CNBD1: variants seen among roughly 807,000 people sequenced by gnomAD.
CNBD1 encodes cyclic nucleotide binding domain containing 1.
Under a neutral mutation model 54.4 loss-of-function variants are expected in CNBD1, and 71 were observed. The observed-to-expected ratio is 1.30, with a 90% CI of 1.08 to 1.59. The LOEUF (loss-of-function observed/expected upper bound fraction) is 1.59. Ranked by LOEUF, CNBD1 falls within the 40% of genes most tolerant of loss-of-function variation. The probability of loss-of-function intolerance (pLI) is 0.00; values close to 1 mark genes in which losing one functional copy is unlikely to be tolerated. For synonymous variants in CNBD1, 182 were observed against 170.7 expected, an observed-to-expected ratio of 1.07 and a Z score of -0.51; for missense variants, 659 against 518.0, an observed-to-expected ratio of 1.27 and a Z score of -2.64.
At chr8:87,179,716 G>T (rs1213020637) in intron 4 of CNBD1, among the ~76,000 whole-genome samples, 2 of 152,108 alleles carry the variant, frequency 1.3e-5, no homozygotes, top group Non-Finnish European at 2.9e-5. Context: ...TACACTGAAG[G>T]TGCAATATAG....
chr8:87,220,059 AT>A (rs932621989), intron 5 of CNBD1, among the ~76,000 whole-genome samples: 1 of 151,994 alleles, frequency 6.6e-6, no homozygotes, highest in Non-Finnish European at 1.5e-5. Flanking sequence ...TGTTTTAGTG[AT>A]TTTTTAAAGG....
intron 4 of CNBD1, among the ~76,000 whole-genome samples, chr8:86,994,707 G>A (rs534661915): frequency 3.3e-5 from 5 of 151,926 alleles, no homozygotes; most frequent in Admixed American, 6.6e-5. Flanking sequence ...AGGGTCCCCA[G>A]CTTCCTTTCT....
chr8:87,418,796 G>A (rs1389470568), intron 2 of CNBD1, among the ~76,000 whole-genome samples: 1 of 151,760 alleles, frequency 6.6e-6, no homozygotes, highest in Non-Finnish European at 1.5e-5. Context: ...ATAAAATATA[G>A]ACAGTAATAA....
chr8:87,389,129 C>A (rs899884823), intron 2 of CNBD1, among the ~76,000 whole-genome samples: 2 of 152,074 alleles, frequency 1.3e-5, no homozygotes, highest in African/African-American at 4.8e-5. Context: ...TTATGACAAA[C>A]CCACAGCCAA....
In CNBD1 at chr8:87,039,459, T is replaced by C. The variant is rs149588017; in HGVS notation, c.431+99705T>C. Among the ~76,000 whole-genome samples the C allele has an allele frequency of 3.3e-3, 496 of 152,292 alleles. 5 individuals are homozygous for C. The highest frequency in any genetic ancestry group is 0.011 in the African/African-American group (466 of 41,580). On this transcript the variant is annotated intron_variant, in intron 4 of 10. Transcript: ENST00000518476. ...TGATATATTATTTCCCCATGGTTTT[T>C]TGGGGGGGTTGGATTTACTAGAGGT...
Position 87,343,097 on chromosome 8 carries a change from C to T in CNBD1, c.1043-8588C>T, listed in dbSNP as rs182983287. ...ATTCCTTGCTGCAAAAAGAATTCAG[C>T]GATATTTCTCCTACTTGCTTTCTGC... On this transcript the variant is annotated intron_variant, in intron 8 of 10. Transcript: ENST00000518476. 4.0e-3 allele frequency among the ~76,000 whole-genome samples: 605 copies of T among 152,258 alleles called. 8 individuals carry two copies. The highest frequency in any genetic ancestry group is 0.013 in the African/African-American group (558 of 41,554).
chr8:86,875,000 ATATATATATATATATATATATG>A (rs1208852409), intron 1 of CNBD1, among the ~76,000 whole-genome samples: 2 of 134,576 alleles, frequency 1.5e-5, no homozygotes, highest in Non-Finnish European at 3.1e-5. Flanking sequence ...ATATATATAT[ATATATATATATATATATATATG>A]TATTAAAAAT....
intron 4 of CNBD1, among the ~76,000 whole-genome samples, chr8:86,973,046 T>G (rs1051556040): frequency 6.6e-5 from 10 of 152,346 alleles, no homozygotes; most frequent in Middle Eastern, 3.4e-3. Context: ...GAGGGTGTAA[T>G]CATCTTGTTT....
At chr8:87,216,556 T>C (rs1013533156) in intron 5 of CNBD1, among the ~76,000 whole-genome samples, 4 of 152,188 alleles carry the variant, frequency 2.6e-5, no homozygotes, top group African/African-American at 9.6e-5. Flanking sequence ...CAGTATTTTA[T>C]GATGTGTACA....
In CNBD1 at chr8:87,325,222, A is replaced by T. The variant is rs1809641341; in HGVS notation, c.1043-26463A>T. Among the ~76,000 whole-genome samples, 3 of 94,968 alleles carry T rather than the reference A, an allele frequency of 3.2e-5. 1 individual carries two copies. Among genetic ancestry groups the T allele is most frequent in the Admixed American group, 2.7e-4 (3 of 11,020 alleles). The allele number at this position is 94,968 out of a possible 152,430, so 62.3% of individuals were successfully genotyped here. A position where few individuals can be genotyped will look rare whatever the true frequency, so the allele number is the denominator to read the frequency against. On this transcript the variant is annotated intron_variant, in intron 8 of 10. Coordinates refer to ENST00000518476, the MANE Select transcript of CNBD1 (RefSeq NM_173538.3). ...TTTGCTGAGGAGAGCTTTACTTCCA[A>T]GTATGTGGTCAATTTTGGAATAGGT... is the stretch of plus-strand genomic sequence containing the variant.
At chr8:87,342,580 T>C (rs559174292) in intron 8 of CNBD1, among the ~76,000 whole-genome samples, 1 of 152,264 alleles carries the variant, frequency 6.6e-6, no homozygotes, top group East Asian at 1.9e-4. Context: ...CTGTTTTCCC[T>C]AAGTGTCAGC....
At chr8:87,405,908 A>G (rs1036504210) in intron 2 of CNBD1, among the ~76,000 whole-genome samples, 3 of 152,144 alleles carry the variant, frequency 2.0e-5, no homozygotes, top group Non-Finnish European at 2.9e-5. Context: ...AGCTCTGCCA[A>G]ACACTAAGCA....
chr8:87,136,491 T>A (rs988753972), intron 4 of CNBD1, among the ~76,000 whole-genome samples: 2 of 135,466 alleles, frequency 1.5e-5, no homozygotes, highest in African/African-American at 5.5e-5. Context: ...TGCTTATTTA[T>A]TGATTTTTTT....
chr8:86,898,152 GACC>G (rs1808876182), intron 2 of CNBD1, among the ~76,000 whole-genome samples: 1 of 151,998 alleles, frequency 6.6e-6, no homozygotes, highest in Non-Finnish European at 1.5e-5. Context: ...TGTATACAAA[GACC>G]ACACACGTAA....
intron 6 of CNBD1, among the ~76,000 whole-genome samples, chr8:87,263,394 C>T (rs1808180644): frequency 1.3e-5 from 2 of 151,976 alleles, no homozygotes; most frequent in Non-Finnish European, 2.9e-5. Context: ...AATTGGGCAA[C>T]ATGTATAGCT....
At chr8:87,356,765 G>A (rs1031704707) in intron 10 of CNBD1, among the ~76,000 whole-genome samples, 1 of 152,200 alleles carries the variant, frequency 6.6e-6, no homozygotes, top group Non-Finnish European at 1.5e-5. Context: ...TTGCTAGAGG[G>A]ATTAGCTTGA....
chr8:87,386,086 G>C (rs1426486279), downstream of CNBD1, among the ~76,000 whole-genome samples: 3 of 152,072 alleles, frequency 2.0e-5, no homozygotes, highest in African/African-American at 7.2e-5. Flanking sequence ...CTAACAGAAA[G>C]GACATCCACA....
At chr8:87,325,943 G>A (rs1284254913) in intron 8 of CNBD1, among the ~76,000 whole-genome samples, 6 of 111,150 alleles carry the variant, frequency 5.4e-5, no homozygotes, top group South Asian at 5.6e-4. Context: ...AGCTGGTACC[G>A]GTTGTTCCTT....
chr8:86,967,571 G>C (rs1358487258), intron 4 of CNBD1, among the ~76,000 whole-genome samples: 1 of 152,352 alleles, frequency 6.6e-6, no homozygotes, highest in African/African-American at 2.4e-5. Context: ...TTCCTCAGCT[G>C]TCTGCTAATG....
Sources: allele counts gnomAD v4.1 joint callset (sites outside exome capture counted in the v4.1 genomes callset), GRCh38; gene constraint gnomAD v4.1.1; transcripts MANE v1.5; gene names NCBI Gene and HGNC (gene_info 2026-07-23, HGNC 2026-07-21).